The following ANKMY2 variants were observed in gnomAD, a reference collection of about 807,000 sequenced individuals.
ANKMY2 encodes ankyrin repeat and MYND domain-containing protein 2.
In ANKMY2, 36 loss-of-function variants were observed where a neutral mutation model predicts 50.4. The ratio of observed to expected loss-of-function variants is 0.71; its 90% CI spans 0.55 to 0.94. The LOEUF is 0.94. ANKMY2 is among the 40% of genes least tolerant of loss of function. The probability of loss-of-function intolerance (pLI) is 0.00; values close to 1 mark genes in which losing one functional copy is unlikely to be tolerated. For missense variants in ANKMY2, 565 were observed against 524.0 expected (o/e 1.08, Z -0.76); for synonymous variants, 187 against 178.8 (o/e 1.05, Z -0.36).
chr7:16,630,725 A>T (rs1223074203), intron 2 of ANKMY2, among the ~76,000 whole-genome samples: 1 of 152,206 alleles, frequency 6.6e-6, no homozygotes, highest in Admixed American at 6.5e-5. Flanking sequence ...CAAGTGCTGG[A>T]AGAAAATAAC....
At chr7:16,606,156 T>C (rs1170870803) in intron 7 of ANKMY2, among the ~76,000 whole-genome samples, 15 of 149,840 alleles carry the variant, frequency 1.0e-4, no homozygotes. Context: ...AGGGGCTGGG[T>C]GTGGTGGCTA....
intron 2 of ANKMY2, among the ~76,000 whole-genome samples, chr7:16,634,039 G>A (rs1781623246): frequency 6.6e-6 from 1 of 152,140 alleles, no homozygotes; most frequent in Admixed American, 6.5e-5. Flanking sequence ...TGCTACCCAT[G>A]TGTGGGTAAA....
intron 4 of ANKMY2, among the ~76,000 whole-genome samples, chr7:16,619,824 T>C (rs1306592052): frequency 1.3e-5 from 2 of 152,230 alleles, no homozygotes; most frequent in Admixed American, 1.3e-4. Flanking sequence ...GTGTGATTAA[T>C]AGGAACACAC....
intron 3 of ANKMY2, among the ~76,000 whole-genome samples, chr7:16,626,044 C>T (rs1449153253): frequency 6.8e-5 from 10 of 146,940 alleles, no homozygotes; most frequent in African/African-American, 1.0e-4. Context: ...TTCAGGGGCA[C>T]GATCTCAGCT....
Position 16,600,791 on chromosome 7 carries a change from A to T in ANKMY2, c.1296T>A (p.Ala432=). The T allele has an allele frequency of 6.2e-7, 1 of 1,612,950 alleles. No homozygotes were observed. Among genetic ancestry groups the T allele is most frequent in the Non-Finnish European group, 8.5e-7 (1 of 1,179,508 alleles). The stretch of plus-strand genomic sequence containing the variant: ...CCTCAGACACCTGTGGCCCTGCAGG[A>T]GCATCCTGTAAGCCTTCCAACTCAG... ...SEAELEGLQD[A]PAGPQVSEE Residue 432 remains alanine, a synonymous_variant, in exon 10 of 10, where the codon GCT becomes GCA. Transcript: ENST00000306999.
At chr7:16,602,952 T>C (rs1051795294) in intron 8 of ANKMY2, among the ~76,000 whole-genome samples, 3 of 152,224 alleles carry the variant, frequency 2.0e-5, no homozygotes, top group African/African-American at 7.2e-5. Flanking sequence ...CAGATGCCCA[T>C]GCCATGCTTC....
intron 2 of ANKMY2, among the ~76,000 whole-genome samples, chr7:16,629,682 A>T (rs944524009): frequency 1.3e-4 from 20 of 152,196 alleles, no homozygotes; most frequent in Non-Finnish European, 2.8e-4. Context: ...GTATTAGAAA[A>T]AAAACTAGTG....
intron 8 of ANKMY2, among the ~76,000 whole-genome samples, chr7:16,603,943 G>GT (rs1190053888): frequency 6.6e-6 from 1 of 152,146 alleles, no homozygotes; most frequent in Non-Finnish European, 1.5e-5. Flanking sequence ...GTTTGAGTGT[G>GT]TTTTTATAAG....
Position 16,640,067 on chromosome 7 carries a change from G to A in ANKMY2, c.68-3612C>T, listed in dbSNP as rs192939001. 3.1e-3 allele frequency among the ~76,000 whole-genome samples: 474 copies of A among 152,280 alleles called. 2 individuals are homozygous for A. Among genetic ancestry groups the A allele is most frequent in the Non-Finnish European group, 4.6e-3 (315 of 68,008 alleles). ...CGTAGTCCTAGCTACTCAGGAGGTT[G>A]AGACAGGAGAATTGCTTGAACCCAG... On this transcript the variant is annotated intron_variant, in intron 1 of 9. Coordinates refer to ENST00000306999, the MANE Select transcript of ANKMY2 (RefSeq NM_020319.3).
intron 2 of ANKMY2, among the ~76,000 whole-genome samples, 184 bp downstream of exon 2, chr7:16,636,207 G>T (rs1781656317): frequency 6.8e-6 from 1 of 148,066 alleles, no homozygotes; most frequent in Non-Finnish European, 1.5e-5. Flanking sequence ...GGCGGCTGAG[G>T]CAGGAGAATC....
intron 6 of ANKMY2, 64 bp downstream of exon 6, chr7:16,610,485 G>A (rs1781230251): frequency 3.0e-6 from 4 of 1,320,988 alleles, no homozygotes; most frequent in South Asian, 1.4e-5. Flanking sequence ...ATAATAATGA[G>A]GCTTCATATT....
chr7:16,610,434 A>T, intron 6 of ANKMY2, 115 bp downstream of exon 6: 1 of 786,246 alleles, frequency 1.3e-6, no homozygotes, highest in Non-Finnish European at 2.0e-6. Flanking sequence ...ATGTGAGTCC[A>T]ACAACAGCAA....
intron 4 of ANKMY2, among the ~76,000 whole-genome samples, chr7:16,620,374 C>A (rs1781414911): frequency 6.6e-6 from 1 of 151,764 alleles, no homozygotes; most frequent in East Asian, 1.9e-4. Flanking sequence ...TCCACAGCTA[C>A]AGGTATGATT....
At chr7:16,621,850 T>C (rs934269189) in intron 4 of ANKMY2, among the ~76,000 whole-genome samples, 4 of 151,982 alleles carry the variant, frequency 2.6e-5, no homozygotes, top group Non-Finnish European at 5.9e-5. Flanking sequence ...ATACCTGTAG[T>C]CCCAGCTACA....
At chr7:16,622,180 G>A (rs1270453440) in intron 4 of ANKMY2, among the ~76,000 whole-genome samples, 1 of 152,020 alleles carries the variant, frequency 6.6e-6, no homozygotes, top group African/African-American at 2.4e-5. Context: ...GGATTTGTAT[G>A]CATAAAGCTC....
intron 4 of ANKMY2, among the ~76,000 whole-genome samples, chr7:16,617,891 C>T (rs1032949104): frequency 2.5e-4 from 38 of 149,238 alleles, no homozygotes; most frequent in Admixed American, 7.3e-4. Context: ...TGCTTGGGGC[C>T]AGGAGTTGGA....
chr7:16,619,132 G>A (rs1239640639), intron 4 of ANKMY2, among the ~76,000 whole-genome samples: 1 of 151,646 alleles, frequency 6.6e-6, no homozygotes, highest in Non-Finnish European at 1.5e-5. Flanking sequence ...ACTGTCACAA[G>A]ACTAAGGATT....
intron 3 of ANKMY2, among the ~76,000 whole-genome samples, 166 bp downstream of exon 3, chr7:16,626,874 A>G (rs934620484): frequency 3.3e-5 from 5 of 152,152 alleles, no homozygotes; most frequent in Non-Finnish European, 7.3e-5. Context: ...TCACTATATA[A>G]TTTATTTCCT....
At chr7:16,638,658 G>A (rs774003269) in intron 1 of ANKMY2, among the ~76,000 whole-genome samples, 22 of 152,136 alleles carry the variant, frequency 1.4e-4, no homozygotes, top group Non-Finnish European at 2.1e-4. Flanking sequence ...CTGAAGATGC[G>A]GGGAGGGGTG....
Sources: allele counts gnomAD v4.1 joint callset (sites outside exome capture counted in the v4.1 genomes callset), GRCh38; gene constraint gnomAD v4.1.1; transcripts MANE v1.5; gene names NCBI Gene and HGNC (gene_info 2026-07-23, HGNC 2026-07-21).